The following PHC3 variants were observed in gnomAD, a reference collection of about 807,000 sequenced individuals.
PHC3 encodes polyhomeotic-like protein 3.
Under a neutral mutation model 107.4 loss-of-function variants are expected in PHC3, and 13 were observed. That is an observed-to-expected ratio of 0.12 (90% CI 0.08 to 0.19). PHC3 has a LOEUF of 0.19. PHC3 is among the 10% of genes least tolerant of loss of function. The pLI is 1.00. For missense variants in PHC3, 992 were observed against 1,210.9 expected (o/e 0.82, Z 2.68); for synonymous variants, 456 against 427.4 (o/e 1.07, Z -0.83).
chr3:170,116,208 A>G (rs1718935040), intron 10 of PHC3, among the ~76,000 whole-genome samples: 1 of 152,210 alleles, frequency 6.6e-6, no homozygotes, highest in African/African-American at 2.4e-5. Context: ...ATGAGAAAAT[A>G]TATTTGCTAA....
At chr3:170,141,609 T>TTTTTG (rs1176022867) in intron 6 of PHC3, among the ~76,000 whole-genome samples, 1 of 152,120 alleles carries the variant, frequency 6.6e-6, no homozygotes, top group African/African-American at 2.4e-5. Flanking sequence ...ATAAATTCTT[T>TTTTTG]TTTTGTTTTG....
chr3:170,140,584 CTTTTTTTTTTTTTT>C (rs57137783), intron 6 of PHC3, among the ~76,000 whole-genome samples: 1 of 69,590 alleles, frequency 1.4e-5, no homozygotes, highest in Non-Finnish European at 2.7e-5. Context: ...ATTTCTTTTT[CTTTTTTTTTTTTTT>C]TTTTTTTTTT....
At chr3:170,146,582 G>A (rs1444873438) in intron 5 of PHC3, among the ~76,000 whole-genome samples, 1 of 136,558 alleles carries the variant, frequency 7.3e-6, no homozygotes, top group Non-Finnish European at 1.5e-5. Flanking sequence ...ACCCAGGCTA[G>A]AGTGCAGTCA....
intron 4 of PHC3, among the ~76,000 whole-genome samples, chr3:170,167,299 C>A (rs1417302113): frequency 2.6e-5 from 4 of 152,210 alleles, no homozygotes; most frequent in African/African-American, 9.7e-5. Flanking sequence ...CAGGCGCTTG[C>A]CACCACATCC....
At chr3:170,158,910 A>C (rs930523160) in intron 4 of PHC3, among the ~76,000 whole-genome samples, 1 of 149,536 alleles carries the variant, frequency 6.7e-6, no homozygotes, top group Non-Finnish European at 1.5e-5. Context: ...ATGGACAACA[A>C]AGTGAGAACC....
chr3:170,174,619 G>A (rs1032973902), intron 2 of PHC3, among the ~76,000 whole-genome samples: 1 of 152,136 alleles, frequency 6.6e-6, no homozygotes, highest in Non-Finnish European at 1.5e-5. Flanking sequence ...TAATCCTATA[G>A]CTTGAGGGTC....
Position 170,106,912 on chromosome 3 carries a change from C to T in PHC3, c.2388G>A (p.Lys796=). 6.2e-7 allele frequency: 1 copy of T among 1,611,910 alleles called. No homozygotes were observed. The highest frequency in any genetic ancestry group is 8.5e-7 in the Non-Finnish European group (1 of 1,179,170). ...ATCCCATTTTCCCACAGAATTCACA[C>T]TTGAGCAACTCACTGTCCATTTCTT... The part of the protein sequence containing the change: ...TLEEMDSELL[K]CEFCGKMGYA... Residue 796 remains lysine (K), a synonymous_variant, in exon 12 of 15, where the codon AAG becomes AAA. Transcript: ENST00000495893.
chr3:170,134,879 G>A (rs1195703041), intron 7 of PHC3, among the ~76,000 whole-genome samples: 2 of 152,164 alleles, frequency 1.3e-5, no homozygotes, highest in Non-Finnish European at 2.9e-5. Flanking sequence ...AAAGGAAAGA[G>A]AACCAGAAGG....
In PHC3 at chr3:170,102,645, A is replaced by G. The variant is rs759636689; in HGVS notation, c.2667T>C (p.Ala889=). The change falls in exon 14 of 15, where the codon GCT becomes GCC. Residue 889 remains alanine (A), a synonymous_variant. Coordinates refer to ENST00000495893, the MANE Select transcript of PHC3 (RefSeq NM_024947.4). The part of the protein sequence containing the change: ...LASHEDSVPS[A]MTTRLRRQSE... ...TCTGCCTGCGCAGACGAGTTGTCAT[A>G]GCAGATGGCACAGAATCTTCATGAG... is the stretch of plus-strand genomic sequence containing the variant. The G allele has an allele frequency of 1.9e-6, 3 of 1,613,972 alleles. No individual in the cohort carries two copies. Among genetic ancestry groups the G allele is most frequent in the Non-Finnish European group, 2.5e-6 (3 of 1,179,860 alleles).
At chr3:170,102,312 G>A (rs1715630551) in intron 14 of PHC3, 167 bp downstream of exon 14, 25 of 985,264 alleles carry the variant, frequency 2.5e-5, no homozygotes, top group Non-Finnish European at 3.0e-5. Flanking sequence ...AGTGCTGAGG[G>A]AATAAGCAAG....
At chr3:170,144,443 T>C (rs1379893549) in intron 6 of PHC3, among the ~76,000 whole-genome samples, 1 of 152,174 alleles carries the variant, frequency 6.6e-6, no homozygotes, top group Non-Finnish European at 1.5e-5. Context: ...ACCGCTGCTA[T>C]AAACATTCAT....
intron 11 of PHC3, among the ~76,000 whole-genome samples, chr3:170,110,621 G>A (rs1717462186): frequency 6.6e-6 from 1 of 152,136 alleles, no homozygotes; most frequent in Non-Finnish European, 1.5e-5. Flanking sequence ...TTTCTGTATG[G>A]AGATTCCCTA....
At position 170,096,987 on chromosome 3, in the gene PHC3, G is replaced by A. The variant is rs539192451; in HGVS notation, c.*243C>T. ...TCTTTGAAAAATATCATGGCCCTCT[G>A]TAACAAGTCTTTCAATGTTTCATGT... On this transcript the variant is annotated 3_prime_UTR_variant, in exon 15 of 15. Coordinates refer to ENST00000495893, the MANE Select transcript of PHC3 (RefSeq NM_024947.4). 3 of 338,782 alleles carry A rather than the reference G, an allele frequency of 8.9e-6. No individual in the cohort carries two copies. The highest frequency in any genetic ancestry group is 1.6e-5 in the Non-Finnish European group (3 of 189,580). The allele number at this position is 338,782 out of a possible 1,614,324, so 21.0% of individuals were successfully genotyped here.
intron 8 of PHC3, among the ~76,000 whole-genome samples, chr3:170,123,874 G>A (rs1374861692): frequency 6.6e-6 from 1 of 151,636 alleles, no homozygotes; most frequent in African/African-American, 2.4e-5. Context: ...TTTTGACAGA[G>A]TCTCGCTCTG....
chr3:170,107,248 G>A (rs568484133), intron 11 of PHC3, among the ~76,000 whole-genome samples: 1 of 152,160 alleles, frequency 6.6e-6, no homozygotes, highest in African/African-American at 2.4e-5. Context: ...AACACTGGGA[G>A]AGAAATGAAG....
chr3:170,140,611 T>G (rs1413279734), intron 6 of PHC3, among the ~76,000 whole-genome samples: 2 of 119,550 alleles, frequency 1.7e-5, no homozygotes, highest in Non-Finnish European at 3.4e-5. Context: ...TTTTTTTTTT[T>G]GAGACAGAGG....
chr3:170,173,500 A>C (rs1458738404), intron 2 of PHC3, among the ~76,000 whole-genome samples: 1 of 152,192 alleles, frequency 6.6e-6, no homozygotes, highest in African/African-American at 2.4e-5. Flanking sequence ...ACAAATAGTA[A>C]TGTAGATCAG....
rs1715697616 is a variant in PHC3, at chr3:170,102,635, G to A, written c.2677C>T (p.Arg893Cys). 3 of 1,613,860 alleles carry A rather than the reference G, an allele frequency of 1.9e-6. No homozygotes were observed. The highest frequency in any genetic ancestry group is 1.7e-5 in the Admixed American group (1 of 59,988). The change falls in exon 14 of 15, where the codon CGT (arginine) becomes TGT (cysteine). Residue 893 changes from arginine to cysteine, a missense_variant. By Grantham distance (180) the Arg-to-Cys change is radical (BLOSUM62 -3). Coordinates refer to ENST00000495893, the MANE Select transcript of PHC3 (RefSeq NM_024947.4). ...EDSVPSAMTT[R>C]LRRQSERERE... ...TCCCGCTCGCTCTGCCTGCGCAGACGAGTTGTCATAGCAGATGGCACAGAA... is the reference window on the plus strand; with the variant it reads ...TCCCGCTCGCTCTGCCTGCGCAGACAAGTTGTCATAGCAGATGGCACAGAA...
intron 4 of PHC3, among the ~76,000 whole-genome samples, chr3:170,152,299 T>G (rs1293850868): frequency 2.0e-5 from 3 of 151,426 alleles, no homozygotes; most frequent in Non-Finnish European, 2.9e-5. Context: ...GCCTCCTGAA[T>G]AGCTGGGACT....
Sources: gnomAD v4.1 joint callset for allele counts (sites outside exome capture counted in the v4.1 genomes callset) on GRCh38, gnomAD v4.1.1 for gene constraint, MANE v1.5 for transcripts, NCBI Gene and HGNC (gene_info 2026-07-23, HGNC 2026-07-21) for gene names.